Variants in CENPP observed in about 807,000 individuals in gnomAD.
The protein encoded by CENPP is centromere protein P.
A neutral mutation model predicts 35.6 loss-of-function variants in CENPP; 24 were observed. The ratio of observed to expected loss-of-function variants is 0.67; its 90% CI spans 0.49 to 0.95. The LOEUF (loss-of-function observed/expected upper bound fraction) is 0.95, where lower values mean the gene tolerates loss of function less well. Ranked by LOEUF, CENPP falls within the 40% of genes least tolerant of loss-of-function variation. CENPP has a pLI of 0.00. For missense variants in CENPP, 332 were observed against 345.3 expected (o/e 0.96, Z 0.31); for synonymous variants, 120 against 125.5 (o/e 0.96, Z 0.29).
chr9:92,343,901 C>T (rs1045574328), intron 3 of CENPP, among the ~76,000 whole-genome samples: 1 of 138,576 alleles, frequency 7.2e-6, no homozygotes, highest in Non-Finnish European at 1.5e-5. Flanking sequence ...AATTCAAGGT[C>T]ACAAAGAACT....
intron 4 of CENPP, 62 bp downstream of exon 4, chr9:92,345,849 T>A (rs1841279533): frequency 2.1e-6 from 2 of 947,048 alleles, no homozygotes; most frequent in Non-Finnish European, 3.3e-6. Flanking sequence ...TTTACAGTTT[T>A]AAGTTTACCT....
rs1350058821 is a variant in CENPP at position 92,453,439 on chromosome 9, A to G, written c.564+73580A>G. On this transcript the variant is annotated intron_variant, in intron 5 of 7. Transcript: ENST00000375587. ...GTGAGTTTCTTAATACTGAGTTCTA[A>G]TTTGATTGCACTGTGGTCTGAGAGA... Among the ~76,000 whole-genome samples the G allele has an allele frequency of 3.3e-5, 5 of 152,178 alleles. No homozygotes were observed. In the South Asian group the frequency reaches 8.3e-4, roughly 25 times the overall value.
chr9:92,380,908 A>C (rs781033607), intron 5 of CENPP, among the ~76,000 whole-genome samples: 2 of 152,200 alleles, frequency 1.3e-5, no homozygotes, highest in Non-Finnish European at 2.9e-5. Context: ...CGTGCTTTCC[A>C]GTCAGGTATG....
chr9:92,332,931 A>T (rs1463459120), intron 2 of CENPP, among the ~76,000 whole-genome samples: 1 of 151,592 alleles, frequency 6.6e-6, no homozygotes, highest in Non-Finnish European at 1.5e-5. Context: ...AGTTTTTATC[A>T]TTAAGTACCT....
At chr9:92,369,817 T>G (rs895619891) in intron 4 of CENPP, among the ~76,000 whole-genome samples, 34 of 152,220 alleles carry the variant, frequency 2.2e-4, no homozygotes, top group African/African-American at 7.0e-4. Flanking sequence ...GGGATGCCTT[T>G]TATTTCTTTC....
At chr9:92,547,369 C>T (rs1242516316) in intron 5 of CENPP, among the ~76,000 whole-genome samples, 1 of 152,350 alleles carries the variant, frequency 6.6e-6, no homozygotes, top group South Asian at 2.1e-4. Flanking sequence ...CATTGCTACA[C>T]TATTCATAAC....
chr9:92,514,576 C>G, intron 5 of CENPP: 1 of 1,524,476 alleles, frequency 6.6e-7, no homozygotes, highest in Non-Finnish European at 8.8e-7. Flanking sequence ...TGCCCAGCTG[C>G]TAAGAGTCAT....
intron 5 of CENPP, among the ~76,000 whole-genome samples, chr9:92,504,830 C>A (rs373456685): frequency 6.6e-6 from 1 of 152,210 alleles, no homozygotes; most frequent in East Asian, 1.9e-4. Context: ...TGAGCCACTG[C>A]ACGGTCCACC....
At chr9:92,563,963 A>G (rs774723278) in intron 5 of CENPP, among the ~76,000 whole-genome samples, 9 of 152,170 alleles carry the variant, frequency 5.9e-5, no homozygotes, top group African/African-American at 1.9e-4. Context: ...TGAGGGGGGA[A>G]TTATTTCTTT....
chr9:92,473,309 A>G (rs900439874), intron 5 of CENPP, among the ~76,000 whole-genome samples: 3 of 152,200 alleles, frequency 2.0e-5, no homozygotes, highest in Non-Finnish European at 4.4e-5. Context: ...CACTAAAGAT[A>G]AATGTGTCCT....
intron 5 of CENPP, among the ~76,000 whole-genome samples, chr9:92,423,577 T>G (rs1279178661): frequency 6.6e-6 from 1 of 152,152 alleles, no homozygotes; most frequent in Non-Finnish European, 1.5e-5. Context: ...ATTTTTTTGC[T>G]ATTAAAAATA....
intron 5 of CENPP, among the ~76,000 whole-genome samples, chr9:92,426,497 A>C (rs187719726): frequency 9.8e-5 from 15 of 152,334 alleles, no homozygotes; most frequent in Admixed American, 8.5e-4. Flanking sequence ...AGAGAAGGAA[A>C]ACAGAAAATA....
chr9:92,335,949 T>C (rs1343142767), intron 2 of CENPP, among the ~76,000 whole-genome samples: 1 of 152,228 alleles, frequency 6.6e-6, no homozygotes, highest in African/African-American at 2.4e-5. Context: ...TGGATTGCAT[T>C]GAATGTACTG....
intron 5 of CENPP, among the ~76,000 whole-genome samples, chr9:92,568,348 T>C (rs750746487): frequency 4.1e-4 from 62 of 152,310 alleles, no homozygotes; most frequent in Non-Finnish European, 5.7e-4. Flanking sequence ...TGGTTTTCTG[T>C]TGTTGCGATA....
At chr9:92,419,891 A>G (rs1246786266) in intron 5 of CENPP, among the ~76,000 whole-genome samples, 2 of 152,182 alleles carry the variant, frequency 1.3e-5, no homozygotes, top group East Asian at 3.9e-4. Context: ...GGTATAATTG[A>G]GAGAATAGTT....
chr9:92,595,851 C>T (rs780265219), intron 5 of CENPP, among the ~76,000 whole-genome samples: 6 of 152,130 alleles, frequency 3.9e-5, no homozygotes, highest in Non-Finnish European at 8.8e-5. Flanking sequence ...CATGAGCCAC[C>T]GCACCCAGCC....
intron 3 of CENPP, chr9:92,341,715 G>A (rs1299082217): frequency 3.9e-5 from 6 of 152,306 alleles, no homozygotes; most frequent in African/African-American, 1.4e-4. Context: ...GCACAGACAG[G>A]ACAGAAGCCA....
At chr9:92,604,907 A>G (rs1191553509) in intron 5 of CENPP, among the ~76,000 whole-genome samples, 1 of 152,010 alleles carries the variant, frequency 6.6e-6, no homozygotes, top group Non-Finnish European at 1.5e-5. Context: ...ATTTTTATTT[A>G]AGAAATCTTT....
intron 5 of CENPP, among the ~76,000 whole-genome samples, chr9:92,592,136 C>T (rs889700245): frequency 1.4e-4 from 21 of 151,774 alleles, no homozygotes; most frequent in African/African-American, 4.8e-4. Flanking sequence ...TAAATATATA[C>T]ATTATATAAA....
Sources: allele counts gnomAD v4.1 joint callset (sites outside exome capture counted in the v4.1 genomes callset), GRCh38; gene constraint gnomAD v4.1.1; transcripts MANE v1.5; gene names NCBI Gene and HGNC (gene_info 2026-07-23, HGNC 2026-07-21).